Variants in LRRC7 observed in about 807,000 individuals in gnomAD.
LRRC7 encodes leucine rich repeat containing 7.
A neutral mutation model predicts 175.7 loss-of-function variants in LRRC7; 23 were observed. The ratio of observed to expected loss-of-function variants is 0.13; its 90% CI spans 0.09 to 0.19. The LOEUF (loss-of-function observed/expected upper bound fraction) is 0.19, where lower values mean the gene tolerates loss of function less well. Among genes scored for constraint, LRRC7 ranks in the 10% least tolerant of loss-of-function variants. LRRC7 has a pLI of 1.00. For synonymous variants in LRRC7, 685 were observed against 680.9 expected, an observed-to-expected ratio of 1.01 and a Z score of -0.09; for missense variants, 1,354 against 1,904.7, an observed-to-expected ratio of 0.71 and a Z score of 5.38.
chr1:69,931,663 C>A, intron 8 of LRRC7, 93 bp downstream of exon 8: 1 of 986,220 alleles, frequency 1.0e-6, no homozygotes. Flanking sequence ...AACTTGATTG[C>A]ACGTTTGCAT....
chr1:69,822,355 G>A (rs1306633052), intron 4 of LRRC7, among the ~76,000 whole-genome samples: 1 of 152,192 alleles, frequency 6.6e-6, no homozygotes, highest in Non-Finnish European at 1.5e-5. Flanking sequence ...AGTTATAGAA[G>A]GGAGGCTGAA....
At chr1:69,768,467 T>C (rs552294528) in intron 3 of LRRC7, among the ~76,000 whole-genome samples, 1 of 152,292 alleles carries the variant, frequency 6.6e-6, no homozygotes, top group East Asian at 1.9e-4. Flanking sequence ...TTATTCAGCC[T>C]GGACAAAATT....
At chr1:69,934,494 CGGGGGGGGG>C (rs573858643) in intron 8 of LRRC7, among the ~76,000 whole-genome samples, 1 of 46,562 alleles carries the variant, frequency 2.1e-5, no homozygotes, top group Non-Finnish European at 4.2e-5. Context: ...GATATTTTGG[CGGGGGGGGG>C]GCGGGGGGTG....
intron 2 of LRRC7, among the ~76,000 whole-genome samples, chr1:69,736,652 A>G (rs763601583): frequency 6.6e-6 from 1 of 152,102 alleles, no homozygotes; most frequent in African/African-American, 2.4e-5. Context: ...GAATAAATAC[A>G]GTTTTTATAG....
chr1:70,046,403 C>T (rs1660332442), intron 22 of LRRC7, among the ~76,000 whole-genome samples: 1 of 151,946 alleles, frequency 6.6e-6, no homozygotes, highest in Non-Finnish European at 1.5e-5. Context: ...CAGAGATGAC[C>T]AAAACGAATT....
At chr1:69,649,873 C>T (rs1425949479) in intron 1 of LRRC7, among the ~76,000 whole-genome samples, 1 of 150,992 alleles carries the variant, frequency 6.6e-6, no homozygotes, top group Non-Finnish European at 1.5e-5. Context: ...ACCAAAAACA[C>T]CCTCACAGGA....
At chr1:70,058,790 T>C (rs1661353229) in intron 23 of LRRC7, among the ~76,000 whole-genome samples, 1 of 152,222 alleles carries the variant, frequency 6.6e-6, no homozygotes, top group African/African-American at 2.4e-5. Context: ...ATGAAGGTGA[T>C]ACTATAAAAG....
At chr1:70,073,228 G>A (rs1662520920) in intron 23 of LRRC7, among the ~76,000 whole-genome samples, 1 of 152,108 alleles carries the variant, frequency 6.6e-6, no homozygotes, top group South Asian at 2.1e-4. Context: ...TTTATTAAAT[G>A]CCAGTTACTG....
At chr1:70,094,443 T>C (rs1366764533) in intron 25 of LRRC7, among the ~76,000 whole-genome samples, 2 of 152,102 alleles carry the variant, frequency 1.3e-5, no homozygotes, top group African/African-American at 4.8e-5. Flanking sequence ...TTCCAAGCCA[T>C]CGAAAGAATA....
chr1:69,702,310 T>C (rs1344980601), intron 2 of LRRC7, among the ~76,000 whole-genome samples: 1 of 152,216 alleles, frequency 6.6e-6, no homozygotes, highest in African/African-American at 2.4e-5. Flanking sequence ...AGTGCATCAG[T>C]TCTTACTGCT....
At position 70,038,614 on chromosome 1, in the gene LRRC7, A is replaced by G. The variant is rs1431601813; in HGVS notation, c.2790A>G (p.Val930=). The change falls in exon 21 of 27, where the codon GTA becomes GTG. Residue 930 remains valine (V), a synonymous_variant. Coordinates refer to ENST00000651989, the MANE Select transcript of LRRC7 (RefSeq NM_001370785.2). Reference sequence around the variant, plus strand: ...TACCTAGTCCTTTTTCTCCAGGCGTACCATGGGAGTATCATGATTCCAATC... The same window carrying G: ...TACCTAGTCCTTTTTCTCCAGGCGTGCCATGGGAGTATCATGATTCCAATC... ...TEIPSPFSPG[V]PWEYHDSNPN... is the part of the protein sequence containing the mutation. 2.5e-6 allele frequency: 4 copies of G among 1,614,012 alleles called. No individual in the cohort carries two copies. The African/African-American group carries it at 5.3e-5, about 22-fold the overall frequency.
intron 4 of LRRC7, among the ~76,000 whole-genome samples, chr1:69,797,590 A>C (rs1208054532): frequency 6.6e-6 from 1 of 152,160 alleles, no homozygotes; most frequent in Non-Finnish European, 1.5e-5. Context: ...AATATATGGC[A>C]GGTCTTTTTC....
At chr1:69,889,163 T>C (rs914408088) in intron 7 of LRRC7, among the ~76,000 whole-genome samples, 2 of 152,220 alleles carry the variant, frequency 1.3e-5, no homozygotes, top group African/African-American at 4.8e-5. Context: ...AGAGGGTCTT[T>C]CCTTGATGTT....
chr1:69,781,916 G>GAAAGAAAGAA lies in LRRC7; in HGVS notation c.304-10125_304-10116dup, dbSNP rs1404998064. 2.2e-3 allele frequency among the ~76,000 whole-genome samples: 184 copies of GAAAGAAAGAA among 82,222 alleles called. 4 individuals are homozygous for GAAAGAAAGAA. In the Middle Eastern group the frequency reaches 0.023, roughly 10 times the overall value. The allele number at this position is 82,222 out of a possible 152,430, so 53.9% of individuals were successfully genotyped here. A position where few individuals can be genotyped will look rare whatever the true frequency, so the allele number is the denominator to read the frequency against. On this transcript the variant is annotated intron_variant, in intron 3 of 26. Transcript: ENST00000651989. ...AAGGAAGGGAAAGAAAGAAAAAGAA[G>GAAAGAAAGAA]AAAGAAAGAAAGAAAGAAAGAAAGA...
At chr1:69,620,323 A>G (rs1650365570) in intron 1 of LRRC7, among the ~76,000 whole-genome samples, 1 of 152,076 alleles carries the variant, frequency 6.6e-6, no homozygotes, top group African/African-American at 2.4e-5. Flanking sequence ...TATAATCCAC[A>G]TTTTTTAAAA....
chr1:69,992,635 C>G (rs1426620050), intron 10 of LRRC7, among the ~76,000 whole-genome samples: 1 of 152,114 alleles, frequency 6.6e-6, no homozygotes, highest in Admixed American at 6.6e-5. Flanking sequence ...TGAGTGTTGG[C>G]AAAATAGCCA....
At chr1:69,668,167 T>G (rs2100561207) in intron 1 of LRRC7, among the ~76,000 whole-genome samples, 1 of 152,314 alleles carries the variant, frequency 6.6e-6, no homozygotes, top group East Asian at 1.9e-4. Flanking sequence ...TTATTATACT[T>G]TAAGTTCTGG....
chr1:69,783,017 C>A (rs889602667), intron 3 of LRRC7, among the ~76,000 whole-genome samples: 2 of 152,216 alleles, frequency 1.3e-5, no homozygotes, highest in East Asian at 3.8e-4. Flanking sequence ...ACCCTTACAG[C>A]CTTTTACATT....
At position 69,825,770 on chromosome 1, in the gene LRRC7, C is replaced by T. The variant is rs201429025; in HGVS notation, c.444C>T (p.Asn148=). The change falls in exon 5 of 27, where the codon AAC becomes AAT. Residue 148 remains asparagine (N), a synonymous_variant. Transcript: ENST00000651989. ...TAGGTGTACAAGAATTTCCAGAAAA[C>T]ATAAAGTGCTGTAAGTGTTTAACAA... The part of the protein sequence containing the change: ...SKNGVQEFPE[N]IKCCKCLTII... 7 of 1,603,774 alleles carry T rather than the reference C, an allele frequency of 4.4e-6. No homozygotes were observed. The highest frequency in any genetic ancestry group is 2.7e-5 in the African/African-American group (2 of 74,524).
Sources: allele counts gnomAD v4.1 joint callset (sites outside exome capture counted in the v4.1 genomes callset), GRCh38; gene constraint gnomAD v4.1.1; transcripts MANE v1.5; gene names NCBI Gene and HGNC (gene_info 2026-07-23, HGNC 2026-07-21).